The following OSBPL5 variants were observed in gnomAD, a reference collection of about 807,000 sequenced individuals.
OSBPL5 encodes the protein oxysterol-binding protein-related protein 5.
Under a neutral mutation model 111.2 loss-of-function variants are expected in OSBPL5, and 71 were observed. The observed-to-expected ratio is 0.64, with a 90% CI of 0.53 to 0.78. The LOEUF is 0.78. Among genes scored for constraint, OSBPL5 ranks in the 30% least tolerant of loss-of-function variants. The pLI, the probability that OSBPL5 is intolerant of heterozygous loss-of-function variation, is 0.00. For synonymous variants in OSBPL5, 549 were observed against 513.9 expected, an observed-to-expected ratio of 1.07 and a Z score of -0.93; for missense variants, 1,210 against 1,189.3, an observed-to-expected ratio of 1.02 and a Z score of -0.26.
intron 2 of OSBPL5, among the ~76,000 whole-genome samples, chr11:3,127,390 G>A (rs1389812268): frequency 1.3e-5 from 2 of 152,254 alleles, no homozygotes; most frequent in Non-Finnish European, 2.9e-5. Flanking sequence ...GAAGGCCTGG[G>A]GTCTATAGCC....
At chr11:3,090,528 G>T (rs200135446) in intron 20 of OSBPL5, 30 bp downstream of exon 20, 358 of 1,604,668 alleles carry the variant, frequency 2.2e-4, no homozygotes, top group Non-Finnish European at 2.9e-4. Flanking sequence ...ACCAGACAGA[G>T]GCCTTGGGGC....
chr11:3,108,451 A>G (rs4367926), intron 7 of OSBPL5, among the ~76,000 whole-genome samples: 135,727 of 152,136 alleles, frequency 0.89, 60,617 homozygotes, highest in Admixed American at 0.93. Context: ...GGCTCCTGCC[A>G]GCCTGGAGTC....
chr11:3,147,230 C>T (rs112928708), intron 1 of OSBPL5, among the ~76,000 whole-genome samples: 16,311 of 152,202 alleles, frequency 0.11, 1,099 homozygotes, highest in East Asian at 0.19. Context: ...TGGGCCGGGC[C>T]CACCCAGGAG....
At position 3,122,328 on chromosome 11, in the gene OSBPL5, C is replaced by A; in HGVS notation, c.300+20G>T. ...GGTCTGACAGTGACACTGCTGCACC[C>A]TCCCCGGGCCCGGGCTCACCTTGAG... On this transcript the variant is annotated intron_variant, in intron 4 of 21. Transcript: ENST00000263650. 6.2e-7 allele frequency: 1 copy of A among 1,609,202 alleles called. No individual in the cohort carries two copies. The highest frequency in any genetic ancestry group is 8.5e-7 in the Non-Finnish European group (1 of 1,177,684).
rs1028847277 is a variant in OSBPL5 at position 3,126,369 on chromosome 11, T to G, written c.219+104A>C. ...GCTGTTTCCCCCGAACAGGCTGGAA[T>G]GGCAGGCTCAGCTGGACGCCCTGCT... On this transcript the variant is annotated intron_variant, in intron 3 of 21. Coordinates refer to ENST00000263650, the MANE Select transcript of OSBPL5 (RefSeq NM_020896.4). This position sits in a 1 kb window ranked among gnomAD's most constrained non-coding sequence, Gnocchi z 6.5. The G allele has an allele frequency of 1.9e-5, 20 of 1,035,844 alleles. No individual in the cohort carries two copies. The highest frequency in any genetic ancestry group is 2.7e-5 in the Non-Finnish European group (20 of 741,786). The allele number at this position is 1,035,844 out of a possible 1,614,324, so 64.2% of individuals were successfully genotyped here. A position where few individuals can be genotyped will look rare whatever the true frequency, so the allele number is the denominator to read the frequency against.
chr11:3,129,120 C>A lies in OSBPL5; in HGVS notation c.29G>T (p.Arg10Leu). The change falls in exon 2 of 22, where the codon CGC becomes CTC. Residue 10 changes from arginine (R) to leucine (L), a missense_variant. Coordinates refer to ENST00000263650, the MANE Select transcript of OSBPL5 (RefSeq NM_020896.4). Reference sequence around the variant, plus strand: ...GGAGGAAGGTGGACACAGGGAGAAGCGGCGCCGGAGGAAGGCCTCCTCCTT... The same window carrying A: ...GGAGGAAGGTGGACACAGGGAGAAGAGGCGCCGGAGGAAGGCCTCCTCCTT... MKEEAFLRR[R>L]FSLCPPSSTP... 6.7e-7 allele frequency: 1 copy of A among 1,498,396 alleles called. No individual in the cohort carries two copies. Among genetic ancestry groups the A allele is most frequent in the East Asian group, 2.7e-5 (1 of 37,296 alleles). 92.8% of individuals were successfully genotyped at this position (1,498,396 alleles called of 1,614,324 possible).
chr11:3,095,324 A>AAG (rs1554894374), intron 14 of OSBPL5, among the ~76,000 whole-genome samples: 12 of 150,110 alleles, frequency 8.0e-5, no homozygotes, highest in Non-Finnish European at 1.8e-4. Flanking sequence ...AAAAAAAAAA[A>AAG]AAAAGAAAAG....
rs1415781402 is a variant in OSBPL5, at chr11:3,107,452, C to T, written c.870G>A (p.Leu290=). 2.5e-6 allele frequency: 4 copies of T among 1,613,948 alleles called. No individual in the cohort carries two copies. Among genetic ancestry groups the T allele is most frequent in the Non-Finnish European group, 3.4e-6 (4 of 1,179,922 alleles). Residue 290 remains leucine (L), a synonymous_variant, in exon 9 of 22, where the codon CTG becomes CTA. Coordinates refer to ENST00000263650, the MANE Select transcript of OSBPL5 (RefSeq NM_020896.4). The surrounding 1 kb of genome is among the most constrained non-coding windows in gnomAD (Gnocchi z 6.1). The part of the protein sequence containing the change: ...TVHPDQDLFP[L]NGSSLENDAF... Reference sequence around the variant, plus strand: ...CATCGTTCTCCAGGGAAGACCCGTTCAGTCTGGAAGGTGGATGGTGCCAGT... The same window carrying T: ...CATCGTTCTCCAGGGAAGACCCGTTTAGTCTGGAAGGTGGATGGTGCCAGT...
At chr11:3,136,327 A>G (rs1243675603) in intron 1 of OSBPL5, among the ~76,000 whole-genome samples, 2 of 152,264 alleles carry the variant, frequency 1.3e-5, no homozygotes, top group African/African-American at 4.8e-5. Context: ...GCTAGGATAA[A>G]GGGATTCTTG....
chr11:3,102,138 CAT>C, intron 12 of OSBPL5, 43 bp downstream of exon 12: 2 of 1,549,046 alleles, frequency 1.3e-6, no homozygotes, highest in Non-Finnish European at 1.7e-6. Flanking sequence ...AGCCCCGCCC[CAT>C]AGAGCCCAGC....
intron 7 of OSBPL5, among the ~76,000 whole-genome samples, chr11:3,115,631 T>C (rs1029395527): frequency 6.6e-6 from 1 of 152,240 alleles, no homozygotes; most frequent in African/African-American, 2.4e-5. Flanking sequence ...ATCATTAATG[T>C]CAAAGGCACA....
At chr11:3,151,862 G>A (rs547737675) in intron 1 of OSBPL5, among the ~76,000 whole-genome samples, 122 of 152,328 alleles carry the variant, frequency 8.0e-4, no homozygotes, top group African/African-American at 2.9e-3. Context: ...TTGCAGCCCC[G>A]ACAGCTGCCT....
chr11:3,112,634 T>G (rs1858044417), intron 7 of OSBPL5, among the ~76,000 whole-genome samples: 1 of 152,200 alleles, frequency 6.6e-6, no homozygotes, highest in Non-Finnish European at 1.5e-5. Context: ...CTCATGATAA[T>G]TCTCCCTTTC....
In OSBPL5 at chr11:3,103,730, C is replaced by CA. The variant is rs769699889; in HGVS notation, c.1245-411_1245-410insT. ...TACCCCCTTCCAGGCTCTGCTGCCCCTTCCTGCCTCTGCAACCCTCTTCCA... is the reference window on the plus strand; with the variant it reads ...TACCCCCTTCCAGGCTCTGCTGCCCCATTCCTGCCTCTGCAACCCTCTTCCA... On this transcript the variant is annotated intron_variant, in intron 10 of 21. Transcript: ENST00000263650. Among the ~76,000 whole-genome samples the CA allele has an allele frequency of 9.4e-3, 819 of 87,414 alleles. 23 individuals carry two copies. The highest frequency in any genetic ancestry group is 0.034 in the South Asian group (90 of 2,644). The allele number at this position is 87,414 out of a possible 152,430, so 57.3% of individuals were successfully genotyped here.
rs745718340 is a variant in OSBPL5 at position 3,126,495 on chromosome 11, C to G, written c.197G>C (p.Ser66Thr). The G allele has an allele frequency of 3.1e-6, 5 of 1,609,472 alleles. No homozygotes were observed. Among genetic ancestry groups the G allele is most frequent in the African/African-American group, 2.7e-5 (2 of 74,782 alleles). Residue 66 changes from serine to threonine, a missense_variant, in exon 3 of 22, where the codon AGC becomes ACC. Transcript: ENST00000263650. The surrounding 1 kb of genome is among the most constrained non-coding windows in gnomAD (Gnocchi z 6.5). ...TACCGGTGGCACCTTCGTGGCAGAGCTTGGGGTCGGGGGCCCTTCATCCCT... is the reference window on the plus strand; with the variant it reads ...TACCGGTGGCACCTTCGTGGCAGAGGTTGGGGTCGGGGGCCCTTCATCCCT... ...LPRDEGPPTP[S>T]SATKVPPAEY...
At chr11:3,124,712 T>C (rs776087463) in intron 3 of OSBPL5, among the ~76,000 whole-genome samples, 2 of 152,120 alleles carry the variant, frequency 1.3e-5, no homozygotes, top group African/African-American at 2.4e-5. Context: ...GGTGAACTGA[T>C]GATTGTCTGT....
Position 3,093,833 on chromosome 11 carries a change from G to T in OSBPL5, c.1722C>A (p.Pro574=). The change falls in exon 16 of 22, where the codon CCC becomes CCA. Residue 574 remains proline, a splice_region_variant and synonymous_variant. Transcript: ENST00000263650. ...TGATGCTGGTGCTACCCCCGAAGAA[G>T]GGCTGCGGGGCCACACCCAGAACAG... ...FQAQLEFKLK[P]FFGGSTSINQ... is the part of the protein sequence containing the mutation. 1 of 1,610,448 alleles carries T rather than the reference G, an allele frequency of 6.2e-7. No homozygotes were observed.
At chr11:3,090,750 GC>G in intron 19 of OSBPL5, 54 bp from the exon 20 acceptor site, 1 of 1,546,686 alleles carries the variant, frequency 6.5e-7, no homozygotes, top group Non-Finnish European at 8.7e-7. Context: ...CCCTGCCCAG[GC>G]CCCAGGGACA....
chr11:3,147,660 G>C (rs956893851), intron 1 of OSBPL5, among the ~76,000 whole-genome samples: 9 of 152,238 alleles, frequency 5.9e-5, no homozygotes, highest in Non-Finnish European at 1.2e-4. Flanking sequence ...AAAACCCCCT[G>C]TAATCAATAT....
Sources: allele counts gnomAD v4.1 joint callset (sites outside exome capture counted in the v4.1 genomes callset), GRCh38; gene constraint gnomAD v4.1.1; non-coding constraint Gnocchi (gnomAD v3.1); transcripts MANE v1.5; gene names NCBI Gene and HGNC (gene_info 2026-07-23, HGNC 2026-07-21).